APLP2: variants seen among roughly 807,000 people sequenced by gnomAD.
APLP2 encodes CDEI box-binding protein.
In APLP2, 53 loss-of-function variants were observed where a neutral mutation model predicts 89.9. That is an observed-to-expected ratio of 0.59 (90% CI 0.47 to 0.74). APLP2 has a LOEUF of 0.74. Among genes scored for constraint, APLP2 ranks in the 30% least tolerant of loss-of-function variants. The pLI is 0.00. For synonymous variants in APLP2, 372 were observed against 348.6 expected (o/e 1.07, Z -0.75); for missense variants, 973 against 975.9 (o/e 1.00, Z 0.04).
intron 1 of APLP2, among the ~76,000 whole-genome samples, chr11:130,083,121 A>G (rs1943523804): frequency 7.1e-6 from 1 of 140,874 alleles, no homozygotes; most frequent in Non-Finnish European, 1.5e-5. Flanking sequence ...CTAGAGCTTC[A>G]ACCTCCTGGG....
At position 130,129,195 on chromosome 11, in the gene APLP2, G is replaced by T. The variant is rs1950669935; in HGVS notation, c.1444G>T (p.Asp482Tyr). ...GAACTACCTGGCTGCCTTGCAGTCT[G>T]ACCCGCCACGGGTGAGTCCTGCCCC... Reference protein sequence around the residue: ...LENYLAALQSDPPRPHRILQA... With the variant: ...LENYLAALQSYPPRPHRILQA... The change falls in exon 10 of 17, where the codon GAC becomes TAC. Residue 482 changes from aspartate (D) to tyrosine (Y), a missense_variant. Physicochemically the swap from Asp to Tyr is radical, Grantham distance 160. Transcript: ENST00000338167. 10 of 1,611,150 alleles carry T rather than the reference G, an allele frequency of 6.2e-6. No homozygotes were observed. The highest frequency in any genetic ancestry group is 1.7e-5 in the Admixed American group (1 of 59,920).
In APLP2 at chr11:130,070,057, C is replaced by A. The variant is rs763605395; in HGVS notation, c.80C>A (p.Ala27Asp). The A allele has an allele frequency of 1.3e-6, 2 of 1,494,506 alleles. No individual in the cohort carries two copies. The highest frequency in any genetic ancestry group is 1.2e-5 in the South Asian group (1 of 80,208). 92.6% of individuals were successfully genotyped at this position (1,494,506 alleles called of 1,614,324 possible). A position where few individuals can be genotyped will look rare whatever the true frequency, so the allele number is the denominator to read the frequency against. ...LLLLVGLTAP[A>D]LALAGYIEAL... Reference sequence around the variant, plus strand: ...CTGCTGGTGGGGCTCACGGCGCCTGCCTTGGCGCTGGCCGGCTACATCGAG... The same window carrying A: ...CTGCTGGTGGGGCTCACGGCGCCTGACTTGGCGCTGGCCGGCTACATCGAG... Residue 27 changes from alanine to aspartate, a missense_variant, in exon 1 of 17, where the codon GCC becomes GAC. Coordinates refer to ENST00000338167, the MANE Select transcript of APLP2 (RefSeq NM_001142276.2).
At chr11:130,079,202 G>A (rs1368201137) in intron 1 of APLP2, among the ~76,000 whole-genome samples, 2 of 151,948 alleles carry the variant, frequency 1.3e-5, no homozygotes, top group Non-Finnish European at 2.9e-5. Context: ...GGGTTCAAGC[G>A]ATTCTTCTGC....
intron 1 of APLP2, among the ~76,000 whole-genome samples, chr11:130,079,579 A>G (rs1251798613): frequency 2.0e-5 from 3 of 152,204 alleles, no homozygotes; most frequent in Non-Finnish European, 4.4e-5. Flanking sequence ...TGAAAAATAC[A>G]ATTGATATTT....
At chr11:130,132,548 G>A (rs149582630) in intron 11 of APLP2, among the ~76,000 whole-genome samples, 1 of 151,146 alleles carries the variant, frequency 6.6e-6, no homozygotes, top group Admixed American at 6.6e-5. Context: ...ATGCTAGCCC[G>A]TCACCTTTCA....
At chr11:130,076,752 G>A (rs1942198260) in intron 1 of APLP2, among the ~76,000 whole-genome samples, 1 of 152,208 alleles carries the variant, frequency 6.6e-6, no homozygotes, top group Non-Finnish European at 1.5e-5. Context: ...AATGTCCAGA[G>A]GAGGAAGAGA....
chr11:130,070,833 CG>C (rs201329164), intron 1 of APLP2: 1 of 1,135,328 alleles, frequency 8.8e-7, no homozygotes, highest in Non-Finnish European at 1.1e-6. Context: ...TCGTCCTCTT[CG>C]GGTGTCAGAA....
Position 130,122,318 on chromosome 11 carries a change from G to T in APLP2, c.727G>T (p.Glu243Ter). 1 of 1,613,982 alleles carries T rather than the reference G, an allele frequency of 6.2e-7. No homozygotes were observed. Among genetic ancestry groups the T allele is most frequent in the East Asian group, 2.2e-5 (1 of 44,882 alleles). ...YDVYKSEFPTEADLEDFTEAA... is the reference protein window; with the variant it reads ...YDVYKSEFPT ...TTTGGCCTTCAGTGAATTTCCTACTGAAGCAGATCTGGAAGACTTCACAGA... is the reference window on the plus strand; with the variant it reads ...TTTGGCCTTCAGTGAATTTCCTACTTAAGCAGATCTGGAAGACTTCACAGA... Residue 243 changes from glutamate to a stop codon, truncating the protein, a stop_gained, in exon 6 of 17, where the codon GAA becomes TAA. Transcript: ENST00000338167. LOFTEE classifies it high-confidence loss of function.
intron 1 of APLP2, among the ~76,000 whole-genome samples, chr11:130,095,155 T>C (rs1946029899): frequency 6.6e-6 from 1 of 152,196 alleles, no homozygotes; most frequent in Non-Finnish European, 1.5e-5. Flanking sequence ...CCCAGCTCTT[T>C]GGGAGGCTGA....
Position 130,121,757 on chromosome 11 carries a change from TGAA to T in APLP2, c.663_665del (p.Glu227del), listed in dbSNP as rs746873538. Reference sequence around the variant, plus strand: ...TGTCAAAAGAAGAGGAAGAGGAAGATGAAGAGGAAGAGGAAGAGGAAGATGAAG... The same window carrying T: ...TGTCAAAAGAAGAGGAAGAGGAAGATGAGGAAGAGGAAGAGGAAGATGAAG... On this transcript the variant is annotated inframe_deletion, in exon 5 of 17. Transcript: ENST00000338167. 2.4e-5 allele frequency: 38 copies of T among 1,609,902 alleles called. No homozygotes were observed. Among genetic ancestry groups the T allele is most frequent in the Non-Finnish European group, 2.7e-5 (32 of 1,179,156 alleles).
chr11:130,091,833 C>A (rs1478608130), intron 1 of APLP2, among the ~76,000 whole-genome samples: 1 of 148,878 alleles, frequency 6.7e-6, no homozygotes, highest in Non-Finnish European at 1.5e-5. Context: ...CCCCCCCCAC[C>A]TCCCTCCCGG....
intron 11 of APLP2, 52 bp from the exon 12 acceptor site, chr11:130,133,577 T>A (rs1591842323): frequency 7.3e-7 from 1 of 1,366,232 alleles, no homozygotes; most frequent in East Asian, 2.3e-5. Context: ...AGTTCCCTCC[T>A]GGCCTAGTTG....
intron 11 of APLP2, 134 bp downstream of exon 11, chr11:130,130,300 A>ATGTCTTCG: frequency 1.6e-6 from 2 of 1,243,246 alleles, no homozygotes; most frequent in Non-Finnish European, 2.3e-6. Flanking sequence ...TGATTTCCGA[A>ATGTCTTCG]GACATTCGGT....
chr11:130,073,562 A>G (rs1941536709), intron 1 of APLP2, among the ~76,000 whole-genome samples: 1 of 152,170 alleles, frequency 6.6e-6, no homozygotes, highest in African/African-American at 2.4e-5. Flanking sequence ...AACTTTAATC[A>G]CCAGGCGCGG....
chr11:130,143,591 A>C lies in APLP2; in HGVS notation c.*143A>C. 1.5e-6 allele frequency: 1 copy of C among 645,668 alleles called. No homozygotes were observed. Among genetic ancestry groups the C allele is most frequent in the Non-Finnish European group, 2.7e-6 (1 of 365,158 alleles). The allele number at this position is 645,668 out of a possible 1,614,324, so 40.0% of individuals were successfully genotyped here. On this transcript the variant is annotated 3_prime_UTR_variant, in exon 17 of 17. Coordinates refer to ENST00000338167, the MANE Select transcript of APLP2 (RefSeq NM_001142276.2). ...CCTGGACTGTAGGACTATATAAAGT[A>C]CTACTGTAGAACTGCAATTTCCATT... is the stretch of plus-strand genomic sequence containing the variant.
At chr11:130,072,809 CT>C (rs1941373576) in intron 1 of APLP2, among the ~76,000 whole-genome samples, 1 of 152,082 alleles carries the variant, frequency 6.6e-6, no homozygotes, top group Non-Finnish European at 1.5e-5. Flanking sequence ...TTTTAAAAAT[CT>C]TTTGATAAAT....
intron 8 of APLP2, among the ~76,000 whole-genome samples, chr11:130,127,476 G>A (rs1267921216): frequency 1.3e-5 from 2 of 152,190 alleles, no homozygotes; most frequent in Non-Finnish European, 2.9e-5. Flanking sequence ...GCTCTGAAAA[G>A]TAGGTATTAA....
rs114268819 is a variant in APLP2 at position 130,120,935 on chromosome 11, A to G, written c.516+117A>G. ...GTTATGTTTCCCCCATTATCTCCTT[A>G]AGGTTTACAATTACTTCTGTCTTAT... On this transcript the variant is annotated intron_variant, in intron 4 of 16. Coordinates refer to ENST00000338167, the MANE Select transcript of APLP2 (RefSeq NM_001142276.2). 612 of 728,740 alleles carry G rather than the reference A, an allele frequency of 8.4e-4. 3 individuals are homozygous for G. The African/African-American group carries it at 9.4e-3, about 11-fold the overall frequency. 45.1% of individuals were successfully genotyped at this position (728,740 alleles called of 1,614,324 possible). A position where few individuals can be genotyped will look rare whatever the true frequency, so the allele number is the denominator to read the frequency against.
At chr11:130,085,188 G>A (rs978177522) in intron 1 of APLP2, among the ~76,000 whole-genome samples, 1 of 152,198 alleles carries the variant, frequency 6.6e-6, no homozygotes, top group African/African-American at 2.4e-5. Context: ...GGTGGCTTAT[G>A]CCTGTAATCC....
Sources: gnomAD v4.1 joint callset for allele counts (sites outside exome capture counted in the v4.1 genomes callset) on GRCh38, gnomAD v4.1.1 for gene constraint, MANE v1.5 for transcripts, NCBI Gene and HGNC (gene_info 2026-07-23, HGNC 2026-07-21) for gene names.